NXPE2: variants seen among roughly 807,000 people sequenced by gnomAD.
NXPE2 encodes neurexophilin and PC-esterase domain family member 2.
In NXPE2, 34 loss-of-function variants were observed where a neutral mutation model predicts 34.4. That is an observed-to-expected ratio of 0.99 (90% confidence interval 0.75 to 1.31). The LOEUF (loss-of-function observed/expected upper bound fraction) is 1.31, where lower values mean the gene tolerates loss of function less well. NXPE2 is among the 40% of genes most tolerant of loss of function. NXPE2 has a pLI of 0.00. For missense variants in NXPE2, 649 were observed against 672.5 expected, an observed-to-expected ratio of 0.97 and a Z score of 0.39; for synonymous variants, 235 against 231.3, an observed-to-expected ratio of 1.02 and a Z score of -0.15.
chr11:114,788,156 A>C, the NXPE2 span, among the ~76,000 whole-genome samples: 35 of 152,348 alleles, frequency 2.3e-4, no homozygotes, highest in African/African-American at 7.9e-4. Context: ...GGAAGCATCA[A>C]TAACATCAAT....
chr11:114,595,094 G>A, the NXPE2 span, among the ~76,000 whole-genome samples: 1 of 152,050 alleles, frequency 6.6e-6, no homozygotes, highest in Non-Finnish European at 1.5e-5. Flanking sequence ...CACCTATCAG[G>A]TTCCCTGTTC....
the NXPE2 span, among the ~76,000 whole-genome samples, chr11:114,547,396 T>C: frequency 1.3e-5 from 2 of 152,146 alleles, no homozygotes; most frequent in African/African-American, 2.4e-5. Flanking sequence ...CTTAAAACTG[T>C]CAATGTCATC....
chr11:114,467,530 A>C, the NXPE2 span, among the ~76,000 whole-genome samples: 1 of 152,190 alleles, frequency 6.6e-6, no homozygotes, highest in Non-Finnish European at 1.5e-5. Flanking sequence ...TGAGCCCTGG[A>C]AATAGGGAAG....
chr11:114,784,964 G>C, the NXPE2 span, among the ~76,000 whole-genome samples: 2 of 152,030 alleles, frequency 1.3e-5, no homozygotes, highest in African/African-American at 4.8e-5. Context: ...TGGAGGTATA[G>C]ATAAAAACCA....
the NXPE2 span, among the ~76,000 whole-genome samples, chr11:114,550,618 A>C: frequency 6.6e-6 from 1 of 152,188 alleles, no homozygotes; most frequent in Non-Finnish European, 1.5e-5. Flanking sequence ...TACAAGTAAA[A>C]AAATAAGAAA....
chr11:114,750,251 T>C, the NXPE2 span, among the ~76,000 whole-genome samples: 1 of 152,228 alleles, frequency 6.6e-6, no homozygotes, highest in Non-Finnish European at 1.5e-5. Context: ...AAATTTATCA[T>C]ATCTGGTATG....
At chr11:114,793,650 G>A in the NXPE2 span, among the ~76,000 whole-genome samples, 1 of 152,188 alleles carries the variant, frequency 6.6e-6, no homozygotes. Flanking sequence ...CAGGTTGCAT[G>A]TTGAAGGTAA....
the NXPE2 span, among the ~76,000 whole-genome samples, chr11:114,806,729 A>G: frequency 4.9e-4 from 74 of 152,026 alleles, 1 homozygote; most frequent in Middle Eastern, 3.4e-3. Flanking sequence ...TGTACCTGAA[A>G]GTGATGGGGA....
At chr11:114,494,361 G>T in the NXPE2 span, among the ~76,000 whole-genome samples, 2 of 151,982 alleles carry the variant, frequency 1.3e-5, no homozygotes, top group Non-Finnish European at 2.9e-5. Context: ...GACTCTAGAT[G>T]TTGTAGGCTT....
chr11:114,727,514 G>T, the NXPE2 span, among the ~76,000 whole-genome samples: 1 of 151,862 alleles, frequency 6.6e-6, no homozygotes, highest in East Asian at 1.9e-4. Context: ...AATAACCTTT[G>T]AAGTTACTTT....
chr11:114,771,510 G>T, the NXPE2 span, among the ~76,000 whole-genome samples: 2 of 151,938 alleles, frequency 1.3e-5, no homozygotes, highest in East Asian at 3.9e-4. Flanking sequence ...AAGATGCCAG[G>T]GTCACAGGGA....
intron 2 of NXPE2, among the ~76,000 whole-genome samples, chr11:114,680,604 A>G (rs1222594877): frequency 6.6e-6 from 1 of 152,010 alleles, no homozygotes; most frequent in Non-Finnish European, 1.5e-5. Context: ...CCTACCCACT[A>G]CCAATATTAG....
the NXPE2 span, among the ~76,000 whole-genome samples, chr11:114,501,010 C>A: frequency 6.6e-6 from 1 of 152,156 alleles, no homozygotes; most frequent in Non-Finnish European, 1.5e-5. Flanking sequence ...CTCTCTTTGA[C>A]CCCTGAATTA....
the NXPE2 span, among the ~76,000 whole-genome samples, chr11:114,597,226 T>TA: frequency 6.6e-6 from 1 of 151,962 alleles, no homozygotes; most frequent in South Asian, 2.1e-4. Context: ...AATGAAATAA[T>TA]AAAAAATGTT....
At chr11:114,682,852 A>T (rs1310245375) in intron 2 of NXPE2, among the ~76,000 whole-genome samples, 1 of 152,054 alleles carries the variant, frequency 6.6e-6, no homozygotes, top group Non-Finnish European at 1.5e-5. Flanking sequence ...GAGGAGGAAA[A>T]AAAAAAACTT....
the NXPE2 span, among the ~76,000 whole-genome samples, chr11:114,639,252 G>T: frequency 6.6e-6 from 1 of 152,028 alleles, no homozygotes; most frequent in South Asian, 2.1e-4. Flanking sequence ...AGACTCTGTG[G>T]GCATAGGACC....
the NXPE2 span, among the ~76,000 whole-genome samples, chr11:114,756,503 C>T: frequency 6.6e-6 from 1 of 151,996 alleles, no homozygotes; most frequent in Non-Finnish European, 1.5e-5. Flanking sequence ...GTGATTTCTT[C>T]CTATATTTCT....
the NXPE2 span, among the ~76,000 whole-genome samples, chr11:114,739,786 C>G: frequency 6.6e-6 from 1 of 152,000 alleles, no homozygotes; most frequent in African/African-American, 2.4e-5. Context: ...CTCTCTATTT[C>G]TGTTATATTC....
At chr11:114,752,729 T>A in the NXPE2 span, among the ~76,000 whole-genome samples, 1 of 152,164 alleles carries the variant, frequency 6.6e-6, no homozygotes, top group African/African-American at 2.4e-5. Flanking sequence ...GGAACGACTG[T>A]GGGAGTCTGG....
Sources: allele counts gnomAD v4.1 joint callset (sites outside exome capture counted in the v4.1 genomes callset), GRCh38; gene constraint gnomAD v4.1.1; transcripts MANE v1.5; gene names NCBI Gene and HGNC (gene_info 2026-07-23, HGNC 2026-07-21).